The following CPEB1 variants were observed in gnomAD, a reference collection of about 807,000 sequenced individuals.
CPEB1 encodes cytoplasmic polyadenylation element binding protein 1, also known as cytoplasmic polyadenylation element-binding protein 1.
A neutral mutation model predicts 65.8 loss-of-function variants in CPEB1; 7 were observed. The observed-to-expected ratio is 0.11, with a 90% confidence interval of 0.06 to 0.20. The LOEUF (loss-of-function observed/expected upper bound fraction) is 0.20, where lower values mean the gene tolerates loss of function less well. CPEB1 is among the 10% of genes least tolerant of loss of function. The pLI is 1.00. For missense variants in CPEB1, 551 were observed against 712.2 expected, an observed-to-expected ratio of 0.77 and a Z score of 2.58; for synonymous variants, 262 against 260.0, an observed-to-expected ratio of 1.01 and a Z score of -0.08.
chr15:82,576,287 G>A (rs759454263), intron 3 of CPEB1, among the ~76,000 whole-genome samples: 4 of 152,134 alleles, frequency 2.6e-5, no homozygotes, highest in Admixed American at 6.5e-5. Context: ...GTTGCCTCTG[G>A]CAGGAAGTAG....
chr15:82,603,859 G>A (rs1042620876), intron 3 of CPEB1, among the ~76,000 whole-genome samples: 2 of 152,152 alleles, frequency 1.3e-5, no homozygotes, highest in African/African-American at 4.8e-5. Flanking sequence ...AGCCTGTGGA[G>A]GACGGATAAC....
intron 3 of CPEB1, among the ~76,000 whole-genome samples, chr15:82,592,128 C>T (rs926831982): frequency 6.6e-6 from 1 of 152,046 alleles, no homozygotes; most frequent in Non-Finnish European, 1.5e-5. Flanking sequence ...AAGCAGGAGC[C>T]ACCACGCCCA....
At chr15:82,554,066 T>A (rs565701332) in intron 6 of CPEB1, 75 bp from the exon 7 acceptor site, 29 of 866,162 alleles carry the variant, frequency 3.3e-5, no homozygotes, top group Non-Finnish European at 5.3e-5. Context: ...TGGGGTGAAC[T>A]TGTCCAGTAA....
upstream of CPEB1, chr15:82,647,676 T>C (rs998982064): frequency 4.9e-6 from 2 of 406,306 alleles, no homozygotes; most frequent in Non-Finnish European, 4.0e-6. Context: ...CCTGCCCCCC[T>C]CGCCCTCCAC....
intron 3 of CPEB1, among the ~76,000 whole-genome samples, chr15:82,623,837 G>A (rs2045526043): frequency 6.6e-6 from 1 of 151,506 alleles, no homozygotes; most frequent in African/African-American, 2.4e-5. Context: ...TTCAGACACT[G>A]TAGTTATCTT....
At chr15:82,549,209 T>C (rs1242178081) in intron 10 of CPEB1, among the ~76,000 whole-genome samples, 1 of 152,226 alleles carries the variant, frequency 6.6e-6, no homozygotes, top group Non-Finnish European at 1.5e-5. Context: ...CCTACCTCAC[T>C]CTCACTTCTT....
chr15:82,622,853 C>T (rs1383894747), intron 3 of CPEB1, among the ~76,000 whole-genome samples: 1 of 152,216 alleles, frequency 6.6e-6, no homozygotes, highest in African/African-American at 2.4e-5. Flanking sequence ...GACAAAGCCA[C>T]ATCCTACCCC....
At chr15:82,545,651 C>T (rs1358273349) in intron 12 of CPEB1, among the ~76,000 whole-genome samples, 1 of 152,208 alleles carries the variant, frequency 6.6e-6, no homozygotes, top group Admixed American at 6.5e-5. Flanking sequence ...GATCCACATT[C>T]CATCACCCAG....
intron 3 of CPEB1, among the ~76,000 whole-genome samples, chr15:82,578,280 A>AAT (rs2040882777): frequency 6.6e-6 from 1 of 152,252 alleles, no homozygotes; most frequent in African/African-American, 2.4e-5. Flanking sequence ...CTTTTCAACC[A>AAT]ATATGAAGGA....
chr15:82,627,109 T>C (rs2045844915), intron 3 of CPEB1, 84 bp downstream of exon 3: 32 of 1,121,918 alleles, frequency 2.9e-5, no homozygotes, highest in Non-Finnish European at 3.8e-5. Context: ...TCACAAGCTT[T>C]CCAAGGAAGA....
intron 3 of CPEB1, among the ~76,000 whole-genome samples, chr15:82,581,447 T>C (rs1258786364): frequency 4.6e-5 from 7 of 152,184 alleles, no homozygotes; most frequent in African/African-American, 1.7e-4. Context: ...CGCTTTCAAT[T>C]CTTTTGTGTG....
At chr15:82,637,529 G>A (rs770457527) in intron 1 of CPEB1, among the ~76,000 whole-genome samples, 24 of 152,184 alleles carry the variant, frequency 1.6e-4, no homozygotes, top group Non-Finnish European at 3.2e-4. Context: ...TCAGCCCTCC[G>A]TACGGAGTAC....
intron 1 of CPEB1, among the ~76,000 whole-genome samples, chr15:82,631,941 T>C (rs552547976): frequency 7.3e-5 from 11 of 151,230 alleles, no homozygotes; most frequent in Non-Finnish European, 7.4e-5. Flanking sequence ...ATCTTAGGGA[T>C]AGGGCCCAAG....
intron 3 of CPEB1, among the ~76,000 whole-genome samples, chr15:82,591,571 T>C (rs1448100597): frequency 6.6e-6 from 1 of 152,122 alleles, no homozygotes; most frequent in East Asian, 1.9e-4. Context: ...CCAGCTTGAT[T>C]TTCTCTCTCC....
chr15:82,648,029 C>A (rs1230330693), upstream of CPEB1: 2 of 487,048 alleles, frequency 4.1e-6, no homozygotes, highest in African/African-American at 4.0e-5. Context: ...AGCCGCCCCC[C>A]GGCCGGATGC....
chr15:82,628,741 C>T, intron 1 of CPEB1, 185 bp from the exon 2 acceptor site: 1 of 367,506 alleles, frequency 2.7e-6, no homozygotes, highest in Non-Finnish European at 4.9e-6. Context: ...TCAATCCTTC[C>T]TCTTCCTCGG....
At chr15:82,621,076 A>G (rs1265210639) in intron 3 of CPEB1, among the ~76,000 whole-genome samples, 1 of 152,262 alleles carries the variant, frequency 6.6e-6, no homozygotes, top group African/African-American at 2.4e-5. Context: ...TCATGAGAGT[A>G]ATTTCAATCA....
chr15:82,627,484 A>G, intron 2 of CPEB1, 117 bp from the exon 3 acceptor site: 1 of 721,746 alleles, frequency 1.4e-6, no homozygotes, highest in East Asian at 2.8e-5. Context: ...TTATACATTA[A>G]AACACTTAAT....
intron 3 of CPEB1, among the ~76,000 whole-genome samples, chr15:82,613,818 AG>A (rs2044416022): frequency 6.6e-6 from 1 of 151,882 alleles, no homozygotes; most frequent in Non-Finnish European, 1.5e-5. Context: ...CCGGGGAGAG[AG>A]ACACTCACCC....
Sources: allele counts gnomAD v4.1 joint callset (sites outside exome capture counted in the v4.1 genomes callset), GRCh38; gene constraint gnomAD v4.1.1; transcripts MANE v1.5; gene names NCBI Gene and HGNC (gene_info 2026-07-23, HGNC 2026-07-21).